MICU2: variants seen among roughly 807,000 people sequenced by gnomAD.
MICU2 encodes mitochondrial calcium uptake 2.
MICU2 carries 64 observed loss-of-function variants against 60.4 expected under a neutral mutation model. That is an observed-to-expected ratio of 1.06 (90% CI 0.87 to 1.31). The LOEUF is 1.31. Among genes scored for constraint, MICU2 ranks in the 50% most tolerant of loss-of-function variants. The pLI, the probability that MICU2 is intolerant of heterozygous loss-of-function variation, is 0.00. For synonymous variants in MICU2, 201 were observed against 175.0 expected, an observed-to-expected ratio of 1.15 and a Z score of -1.17; for missense variants, 569 against 531.0, an observed-to-expected ratio of 1.07 and a Z score of -0.70.
intron 1 of MICU2, among the ~76,000 whole-genome samples, chr13:21,590,577 G>A (rs895845304): frequency 6.6e-6 from 1 of 152,204 alleles, no homozygotes; most frequent in African/African-American, 2.4e-5. Flanking sequence ...AATGTTAAAA[G>A]GTTAGAAAAT....
At chr13:21,526,088 C>T (rs1886848941) in intron 4 of MICU2, among the ~76,000 whole-genome samples, 1 of 151,304 alleles carries the variant, frequency 6.6e-6, no homozygotes. Flanking sequence ...CAGGCATGTG[C>T]CACCATGTCT....
intron 4 of MICU2, among the ~76,000 whole-genome samples, chr13:21,538,714 T>C (rs2798280): frequency 0.36 from 54,058 of 151,876 alleles, 10,029 homozygotes; most frequent in Non-Finnish European, 0.41. Flanking sequence ...TGTTTGTAGG[T>C]TATACGCAAA....
chr13:21,504,398 C>T (rs73443816), intron 8 of MICU2, among the ~76,000 whole-genome samples: 2,442 of 152,086 alleles, frequency 0.016, 64 homozygotes, highest in African/African-American at 0.056. Flanking sequence ...AGGCTCTATG[C>T]GAGCCTCTAC....
intron 1 of MICU2, among the ~76,000 whole-genome samples, chr13:21,591,135 G>T (rs1367680222): frequency 1.3e-5 from 2 of 151,004 alleles, no homozygotes; most frequent in Non-Finnish European, 3.0e-5. Flanking sequence ...GTATTTAGGA[G>T]ACGTGCAAAA....
At position 21,596,121 on chromosome 13, in the gene MICU2, T is replaced by C. The variant is rs80168301; in HGVS notation, c.210+7818A>G. Among the ~76,000 whole-genome samples the C allele has an allele frequency of 5.6e-3, 849 of 152,328 alleles. 3 individuals carry two copies. Among genetic ancestry groups the C allele is most frequent in the Non-Finnish European group, 9.0e-3 (614 of 68,030 alleles). On this transcript the variant is annotated intron_variant, in intron 1 of 11. Coordinates refer to ENST00000382374, the MANE Select transcript of MICU2 (RefSeq NM_152726.3). ...GGTACTTGCAATGGAGGTACTTACATTCTCCACGTCTCCTCTTTTGATTGT... is the reference window on the plus strand; with the variant it reads ...GGTACTTGCAATGGAGGTACTTACACTCTCCACGTCTCCTCTTTTGATTGT...
At chr13:21,526,774 T>C (rs748623684) in intron 4 of MICU2, among the ~76,000 whole-genome samples, 14 of 151,232 alleles carry the variant, frequency 9.3e-5, no homozygotes, top group African/African-American at 2.7e-4. Flanking sequence ...TGCAAAGTGA[T>C]TGTCTGAAAT....
chr13:21,587,810 A>G (rs753617327), intron 1 of MICU2, among the ~76,000 whole-genome samples: 1 of 152,222 alleles, frequency 6.6e-6, no homozygotes, highest in Non-Finnish European at 1.5e-5. Flanking sequence ...ATAGTTAGGT[A>G]TAAGTACTTC....
At chr13:21,551,346 T>C (rs1887557964) in intron 2 of MICU2, 1 of 152,408 alleles carries the variant, frequency 6.6e-6, no homozygotes, top group African/African-American at 2.4e-5. Context: ...CATCCTTGCA[T>C]AGGGGCCATG....
intron 7 of MICU2, among the ~76,000 whole-genome samples, chr13:21,512,962 C>A (rs1211356310): frequency 6.6e-6 from 1 of 152,110 alleles, no homozygotes; most frequent in Admixed American, 6.6e-5. Context: ...GCAACATTTG[C>A]TGAAGAGATT....
chr13:21,594,239 C>A (rs1238695533), intron 1 of MICU2, among the ~76,000 whole-genome samples: 1 of 152,170 alleles, frequency 6.6e-6, no homozygotes, highest in Non-Finnish European at 1.5e-5. Flanking sequence ...ACAGACATTT[C>A]TCAAAAGAAG....
intron 6 of MICU2, among the ~76,000 whole-genome samples, chr13:21,517,573 C>T (rs959774384): frequency 6.6e-6 from 1 of 152,018 alleles, no homozygotes; most frequent in African/African-American, 2.4e-5. Context: ...GTCAGGAGCT[C>T]GAGACCAGCC....
chr13:21,573,342 C>T (rs899708463), intron 1 of MICU2, among the ~76,000 whole-genome samples: 8 of 151,968 alleles, frequency 5.3e-5, no homozygotes, highest in Non-Finnish European at 7.4e-5. Flanking sequence ...GGCGCCATCT[C>T]GGCTCACTGC....
intron 4 of MICU2, chr13:21,531,472 T>C (rs1312912182): frequency 9.8e-6 from 6 of 612,296 alleles, no homozygotes; most frequent in Admixed American, 9.8e-5. Context: ...TGATGCTCCT[T>C]GGGTGCTGCT....
intron 2 of MICU2, among the ~76,000 whole-genome samples, chr13:21,540,537 G>A (rs921613678): frequency 6.6e-6 from 1 of 152,006 alleles, no homozygotes; most frequent in Admixed American, 6.6e-5. Context: ...CTGTAGTTTG[G>A]GTTGTTTAAT....
chr13:21,572,258 G>A (rs990424537), intron 1 of MICU2, among the ~76,000 whole-genome samples: 5 of 152,212 alleles, frequency 3.3e-5, no homozygotes, highest in African/African-American at 1.2e-4. Flanking sequence ...TGTACGCTGT[G>A]TCCGGGAAAA....
At chr13:21,602,936 A>C (rs1888858846) in intron 1 of MICU2, 1 of 151,088 alleles carries the variant, frequency 6.6e-6, no homozygotes, top group Admixed American at 6.6e-5. Context: ...AATGCGTTAC[A>C]ACATCATTTA....
Position 21,525,181 on chromosome 13 carries a change from A to ATTTTTT in MICU2, c.467-2537_467-2532dup, listed in dbSNP as rs71093324. ...TCATACAGTAATGCTGTGTAATTCA[A>ATTTTTT]TTTTTTTTTTTTTTTTTTTTTTTTT... is the stretch of plus-strand genomic sequence containing the variant. On this transcript the variant is annotated intron_variant, in intron 4 of 11. Transcript: ENST00000382374. Among the ~76,000 whole-genome samples, 55 of 83,312 alleles carry ATTTTTT rather than the reference A, an allele frequency of 6.6e-4. 4 individuals are homozygous for ATTTTTT. Among genetic ancestry groups the ATTTTTT allele is most frequent in the Middle Eastern group, 7.9e-3 (1 of 126 alleles). 54.7% of individuals were successfully genotyped at this position (83,312 alleles called of 152,430 possible). A position where few individuals can be genotyped will look rare whatever the true frequency, so the allele number is the denominator to read the frequency against.
intron 2 of MICU2, among the ~76,000 whole-genome samples, chr13:21,557,184 C>T (rs1176159174): frequency 2.0e-5 from 3 of 152,176 alleles, no homozygotes; most frequent in Non-Finnish European, 4.4e-5. Context: ...ACAACAGTAA[C>T]TTGTTGCCAG....
chr13:21,524,872 A>G (rs1433679220), intron 4 of MICU2, among the ~76,000 whole-genome samples: 5 of 152,098 alleles, frequency 3.3e-5, no homozygotes, highest in Non-Finnish European at 7.4e-5. Context: ...ATCATACGAT[A>G]TTTGTCCTTT....
Sources: allele counts gnomAD v4.1 joint callset (sites outside exome capture counted in the v4.1 genomes callset), GRCh38; gene constraint gnomAD v4.1.1; transcripts MANE v1.5; gene names NCBI Gene and HGNC (gene_info 2026-07-23, HGNC 2026-07-21).